Variants in PRDM13 observed in about 807,000 individuals in gnomAD.
PRDM13 encodes the protein PR domain zinc finger protein 13.
Under a neutral mutation model 36.4 loss-of-function variants are expected in PRDM13, and 15 were observed. The ratio of observed to expected loss-of-function variants is 0.41; its 90% CI spans 0.28 to 0.64. The LOEUF is 0.64. Ranked by LOEUF, PRDM13 falls within the 30% of genes least tolerant of loss-of-function variation. The probability of loss-of-function intolerance (pLI) is 0.29; values close to 1 mark genes in which losing one functional copy is unlikely to be tolerated. For missense variants in PRDM13, 1,044 were observed against 1,013.5 expected, an observed-to-expected ratio of 1.03 and a Z score of -0.41; for synonymous variants, 531 against 467.7, an observed-to-expected ratio of 1.14 and a Z score of -1.75.
intron 1 of PRDM13, among the ~76,000 whole-genome samples, chr6:99,607,384 GGCCGAGAGGCGACA>G: frequency 6.6e-6 from 1 of 152,262 alleles, no homozygotes; most frequent in Non-Finnish European, 1.5e-5. Context: ...GAGAGGATGT[GGCCGAGAGGCGACA>G]GCCCTGGGTG....
chr6:99,613,396 A>C lies in PRDM13; in HGVS notation c.761A>C (p.Gln254Pro), dbSNP rs1770065517. ...KWGQPKKGKE[Q>P]LDRALDMSGA... is the part of the protein sequence containing the mutation. ...GGGCAGCCCAAGAAGGGCAAGGAGC[A>C]GCTGGACCGTGCCCTGGACATGAGC... is the stretch of plus-strand genomic sequence containing the variant. Residue 254 changes from glutamine to proline, a missense_variant, in exon 4 of 4, where the codon CAG becomes CCG. Physicochemically the swap from Gln to Pro is moderately conservative, Grantham distance 76. Transcript: ENST00000369215. This position sits in a 1 kb window ranked among gnomAD's most constrained non-coding sequence, Gnocchi z 6.1. 4 of 1,556,210 alleles carry C rather than the reference A, an allele frequency of 2.6e-6. No individual in the cohort carries two copies. The highest frequency in any genetic ancestry group is 3.5e-6 in the Non-Finnish European group (4 of 1,158,206).
rs766594146 is a variant in PRDM13 at position 99,613,287 on chromosome 6, G to C, written c.652G>C (p.Val218Leu). 20 of 1,585,668 alleles carry C rather than the reference G, an allele frequency of 1.3e-5. No individual in the cohort carries two copies. The highest frequency in any genetic ancestry group is 4.0e-5 in the African/African-American group (3 of 74,328). Reference sequence around the variant, plus strand: ...ACCCCACCCCCTGGGCCCGCCACCAGTTCAGGCCTGCGGTGCGCGGGAGGG... The same window carrying C: ...ACCCCACCCCCTGGGCCCGCCACCACTTCAGGCCTGCGGTGCGCGGGAGGG... The part of the protein sequence containing the change: ...LRPHPLGPPP[V>L]QACGAREGIK... Residue 218 changes from valine to leucine, a missense_variant, in exon 4 of 4, where the codon GTT becomes CTT. Transcript: ENST00000369215. The surrounding 1 kb of genome is among the most constrained non-coding windows in gnomAD (Gnocchi z 6.1).
chr6:99,610,973 C>T (rs936191888), intron 3 of PRDM13, among the ~76,000 whole-genome samples: 2 of 151,750 alleles, frequency 1.3e-5, no homozygotes, highest in African/African-American at 2.4e-5. Context: ...TGATTTTGAA[C>T]CCTGACTTCC....
chr6:99,609,411 T>C, intron 3 of PRDM13, 104 bp downstream of exon 3: 1 of 1,431,306 alleles, frequency 7.0e-7, no homozygotes, highest in African/African-American at 1.4e-5. Context: ...GGAATTCACA[T>C]TCCCTGTATT....
Position 99,614,347 on chromosome 6 carries a change from C to A in PRDM13, c.1712C>A (p.Thr571Asn). 1 of 1,611,958 alleles carries A rather than the reference C, an allele frequency of 6.2e-7. No individual in the cohort carries two copies. The highest frequency in any genetic ancestry group is 8.5e-7 in the Non-Finnish European group (1 of 1,179,502). Residue 571 changes from threonine to asparagine, a missense_variant, in exon 4 of 4, where the codon ACC becomes AAC. Coordinates refer to ENST00000369215, the MANE Select transcript of PRDM13 (RefSeq NM_021620.4). ...SGGSGAGKPK[T>N]GHLCLYCGKL... ...GGCAGCGGCGCAGGTAAGCCCAAGA[C>A]CGGCCACCTGTGCCTCTACTGTGGC...
Position 99,609,285 on chromosome 6 carries a change from G to A in PRDM13, c.375G>A (p.Ala125=), listed in dbSNP as rs772704343. Residue 125 remains alanine, a synonymous_variant, in exon 3 of 4, where the codon GCG becomes GCA. Transcript: ENST00000369215. ...AGTGGTTCGACATCCCCACCACAGC[G>A]ACTCCGACTCACGACGAGAAAGGTA... ...LAQWFDIPTT[A]TPTHDEKGEE... The A allele has an allele frequency of 6.2e-7, 1 of 1,614,042 alleles. No individual in the cohort carries two copies. Among genetic ancestry groups the A allele is most frequent in the Non-Finnish European group, 8.5e-7 (1 of 1,179,988 alleles).
intron 3 of PRDM13, among the ~76,000 whole-genome samples, chr6:99,609,902 AT>A (rs66465565): frequency 0.15 from 20,369 of 140,124 alleles, 2,419 homozygotes; most frequent in African/African-American, 0.33. Flanking sequence ...ATAAATAAAA[AT>A]AAAAAATAAA....
chr6:99,607,202 C>G, intron 1 of PRDM13, 24 bp downstream of exon 1: 2 of 1,611,088 alleles, frequency 1.2e-6, no homozygotes, highest in Non-Finnish European at 1.7e-6. Flanking sequence ...AGACCTCTGC[C>G]CACTGCCATT....
chr6:99,607,611 A>G (rs1206028488), intron 1 of PRDM13, among the ~76,000 whole-genome samples: 1 of 152,026 alleles, frequency 6.6e-6, no homozygotes, highest in Non-Finnish European at 1.5e-5. Context: ...TTTGAGGCCT[A>G]ATTTCGCCTT....
At chr6:99,612,926 C>T (rs1770052656) in intron 3 of PRDM13, 107 bp from the exon 4 acceptor site, 1 of 1,525,100 alleles carries the variant, frequency 6.6e-7, no homozygotes, top group African/African-American at 1.4e-5. Context: ...ACCCTCTCCC[C>T]ACACCGCTAG....
chr6:99,612,584 G>T (rs1166935790), intron 3 of PRDM13, among the ~76,000 whole-genome samples: 1 of 152,186 alleles, frequency 6.6e-6, no homozygotes, highest in East Asian at 1.9e-4. Context: ...AGGCGCTCAC[G>T]ACCATTAGAT....
Position 99,614,310 on chromosome 6 carries a change from G to C in PRDM13, c.1675G>C (p.Gly559Arg). 6.2e-7 allele frequency: 1 copy of C among 1,604,378 alleles called. No homozygotes were observed. Among genetic ancestry groups the C allele is most frequent in the African/African-American group, 1.3e-5 (1 of 74,842 alleles). ...CGCGGCGGCGGGAGGCACCGGGGGC[G>C]GCGGCAGCGGAGGCAGCGGCGCAGG... ...AVAAAGGTGG[G>R]GSGGSGAGKP... is the part of the protein sequence containing the mutation. Residue 559 changes from glycine to arginine, a missense_variant, in exon 4 of 4, where the codon GGC becomes CGC. Physicochemically the swap from Gly to Arg is moderately radical, Grantham distance 125. Transcript: ENST00000369215.
Position 99,613,768 on chromosome 6 carries a change from C to CGCCGCT in PRDM13, c.1133_1134insGCCGCT (p.Pro378_Gly379insProLeu), listed in dbSNP as rs3832402. The CGCCGCT allele has an allele frequency of 1.9e-5, 28 of 1,495,904 alleles. No homozygotes were observed. Among genetic ancestry groups the CGCCGCT allele is most frequent in the Non-Finnish European group, 2.5e-5 (28 of 1,129,948 alleles). The allele number at this position is 1,495,904 out of a possible 1,614,324, so 92.7% of individuals were successfully genotyped here. A position where few individuals can be genotyped will look rare whatever the true frequency, so the allele number is the denominator to read the frequency against. On this transcript the variant is annotated inframe_insertion, in exon 4 of 4. Transcript: ENST00000369215. This position sits in a 1 kb window ranked among gnomAD's most constrained non-coding sequence, Gnocchi z 6.1. ...GGGGACCCGCCGCCGCCGCCGCCGC[C>CGCCGCT]TGGCCTGCCCTGCTCTGGGGCCCTG...
At chr6:99,607,293 C>T (rs1769961600) in intron 1 of PRDM13, 115 bp downstream of exon 1, 3 of 1,434,470 alleles carry the variant, frequency 2.1e-6, no homozygotes, top group Non-Finnish European at 2.8e-6. Flanking sequence ...CCTGCTAATT[C>T]TGCCGGGTGG....
Position 99,614,741 on chromosome 6 carries a change from C to T in PRDM13, c.2106C>T (p.Gly702=). The T allele has an allele frequency of 6.4e-7, 1 of 1,574,180 alleles. No individual in the cohort carries two copies. Among genetic ancestry groups the T allele is most frequent in the Non-Finnish European group, 8.6e-7 (1 of 1,160,362 alleles). The change falls in exon 4 of 4, where the codon GGC becomes GGT. Residue 702 remains glycine (G), a synonymous_variant. Transcript: ENST00000369215. Reference sequence around the variant, plus strand: ...AGAGCGACCCCGAGGTTGGGGGCGGCGGGGAGCGCGACTTGTAACGAGTCT... The same window carrying T: ...AGAGCGACCCCGAGGTTGGGGGCGGTGGGGAGCGCGACTTGTAACGAGTCT... The part of the protein sequence containing the change: ...DDQSDPEVGG[G]GERDL
intron 2 of PRDM13, 67 bp from the exon 3 acceptor site, chr6:99,609,120 T>C: frequency 6.4e-7 from 1 of 1,569,510 alleles, no homozygotes; most frequent in Admixed American, 1.7e-5. Context: ...TGAACCTTTC[T>C]TCTCAGTTGC....
intron 3 of PRDM13, among the ~76,000 whole-genome samples, chr6:99,611,401 C>A (rs970985514): frequency 1.3e-5 from 2 of 152,106 alleles, no homozygotes; most frequent in African/African-American, 4.8e-5. Context: ...ACAACATACC[C>A]ACCAAGAGAA....
chr6:99,608,289 G>A (rs770011700), intron 1 of PRDM13, among the ~76,000 whole-genome samples: 48 of 152,204 alleles, frequency 3.2e-4, no homozygotes, highest in Admixed American at 5.2e-4. Flanking sequence ...AACTAGGTGC[G>A]ATGCACACAG....
rs1172584394 is a variant in PRDM13 at position 99,614,886 on chromosome 6, C to A, written c.*127C>A. The A allele has an allele frequency of 8.0e-7, 1 of 1,247,160 alleles. No individual in the cohort carries two copies. Among genetic ancestry groups the A allele is most frequent in the Non-Finnish European group, 1.1e-6 (1 of 924,584 alleles). The allele number at this position is 1,247,160 out of a possible 1,614,324, so 77.3% of individuals were successfully genotyped here. On this transcript the variant is annotated 3_prime_UTR_variant, in exon 4 of 4. Coordinates refer to ENST00000369215, the MANE Select transcript of PRDM13 (RefSeq NM_021620.4). The stretch of plus-strand genomic sequence containing the variant: ...AAAACCGTTTTTGTTTTTGAGAGGG[C>A]GCCAGATTTGAAACAGTGAGAGGTC...
Sources: gnomAD v4.1 joint callset for allele counts (sites outside exome capture counted in the v4.1 genomes callset) on GRCh38, gnomAD v4.1.1 for gene constraint, Gnocchi (gnomAD v3.1) non-coding constraint, MANE v1.5 for transcripts, NCBI Gene and HGNC (gene_info 2026-07-23, HGNC 2026-07-21) for gene names.